Variants in NCF2 observed in about 807,000 individuals in gnomAD.
NCF2 encodes neutrophil cytosolic factor 2.
In NCF2, 45 loss-of-function variants were observed where a neutral mutation model predicts 70.9. The observed-to-expected ratio is 0.63, with a 90% CI of 0.50 to 0.81. NCF2 has a LOEUF of 0.81. Ranked by LOEUF, NCF2 falls within the 40% of genes least tolerant of loss-of-function variation. The probability of loss-of-function intolerance (pLI) is 0.00; values close to 1 mark genes in which losing one functional copy is unlikely to be tolerated. For synonymous variants in NCF2, 203 were observed against 233.6 expected (o/e 0.87, Z 1.19); for missense variants, 522 against 631.6 (o/e 0.83, Z 1.86).
At chr1:183,598,582 T>TAA in the NCF2 span, among the ~76,000 whole-genome samples, 2 of 140,532 alleles carry the variant, frequency 1.4e-5, no homozygotes, top group Non-Finnish European at 3.1e-5. Context: ...TGAGGCTGCA[T>TAA]AAAAAAAAAA....
upstream of NCF2, among the ~76,000 whole-genome samples, chr1:183,591,030 T>G (rs1410029274): frequency 6.6e-6 from 1 of 152,230 alleles, no homozygotes; most frequent in Non-Finnish European, 1.5e-5. Flanking sequence ...TCCCCTATTC[T>G]GAGCCCATAA....
chr1:183,567,446 C>CT (rs769538131), intron 7 of NCF2, 101 bp from the exon 8 acceptor site: 5 of 1,525,514 alleles, frequency 3.3e-6, no homozygotes, highest in Non-Finnish European at 4.5e-6. Flanking sequence ...CAGCCTGGCT[C>CT]TAACTCCACA....
chr1:183,579,558 C>G (rs1385093333), intron 2 of NCF2, among the ~76,000 whole-genome samples: 1 of 151,582 alleles, frequency 6.6e-6, no homozygotes, highest in African/African-American at 2.4e-5. Flanking sequence ...AACCCCATCT[C>G]TACTAAAAAT....
At chr1:183,589,901 G>A (rs1448598616) in intron 1 of NCF2, among the ~76,000 whole-genome samples, 1 of 152,196 alleles carries the variant, frequency 6.6e-6, no homozygotes, top group Non-Finnish European at 1.5e-5. Context: ...GACACTTGTA[G>A]AATGATTTTA....
upstream of NCF2, among the ~76,000 whole-genome samples, chr1:183,591,481 C>CTTTT (rs1336269208): frequency 7.3e-6 from 1 of 137,922 alleles, no homozygotes; most frequent in Non-Finnish European, 1.6e-5. Context: ...CCTGAAATAA[C>CTTTT]TTTTTTTTTT....
chr1:183,569,766 T>A lies in NCF2; in HGVS notation c.670-581A>T, dbSNP rs1200577464. ...ACCACACCCTGCTAATTTTTGTATT[T>A]TTAGTAGGGACAGGGGTTTCACCAT... On this transcript the variant is annotated intron_variant, in intron 6 of 14. Transcript: ENST00000367535. Among the ~76,000 whole-genome samples, 5 of 152,172 alleles carry A rather than the reference T, an allele frequency of 3.3e-5. No homozygotes were observed. The East Asian group carries it at 7.7e-4, about 23-fold the overall frequency.
intron 9 of NCF2, 107 bp from the exon 10 acceptor site, chr1:183,565,886 C>G: frequency 9.3e-7 from 1 of 1,076,080 alleles, no homozygotes; most frequent in Non-Finnish European, 1.4e-6. Context: ...GAGCCACATG[C>G]AGATAACGTC....
intron 14 of NCF2, 129 bp downstream of exon 14, chr1:183,559,967 G>A: frequency 2.0e-6 from 2 of 997,114 alleles, no homozygotes; most frequent in Non-Finnish European, 3.1e-6. Context: ...CCAGCTAGAT[G>A]CTAGGAAGGG....
At chr1:183,597,178 C>T in the NCF2 span, among the ~76,000 whole-genome samples, 1 of 152,208 alleles carries the variant, frequency 6.6e-6, no homozygotes, top group Non-Finnish European at 1.5e-5. Context: ...TTCAGTCCTG[C>T]ATTTTTCGTC....
Position 183,565,739 on chromosome 1 carries a change from C to G in NCF2, c.965G>C (p.Ser322Thr). Reference protein sequence around the residue: ...SPQSDIPAPPSSKAPGRPQLS... With the variant: ...SPQSDIPAPPTSKAPGRPQLS... ...CTGGGGTCTTCCAGGGGCTTTGGAA[C>G]TAGGAGGAGCTGGGATGTCGGACTG... Residue 322 changes from serine to threonine, a missense_variant, in exon 10 of 15, where the codon AGT becomes ACT. Physicochemically the swap from Ser to Thr is moderately conservative, Grantham distance 58 (BLOSUM62 1). Coordinates refer to ENST00000367535, the MANE Select transcript of NCF2 (RefSeq NM_000433.4). The G allele has an allele frequency of 6.2e-7, 1 of 1,612,938 alleles. No homozygotes were observed. The highest frequency in any genetic ancestry group is 8.5e-7 in the Non-Finnish European group (1 of 1,180,022).
chr1:183,561,257 C>A (rs1319515681), intron 13 of NCF2, among the ~76,000 whole-genome samples: 2 of 152,132 alleles, frequency 1.3e-5, no homozygotes, highest in African/African-American at 4.8e-5. Context: ...CTTGTATGTA[C>A]CGAGCATTAT....
At chr1:183,591,892 C>G (rs1673669969), upstream of NCF2, among the ~76,000 whole-genome samples, 4 of 152,272 alleles carry the variant, frequency 2.6e-5, no homozygotes, top group South Asian at 8.3e-4. Flanking sequence ...CTCCCATCTT[C>G]CAGTGAAAAA....
rs886045654 is a variant in NCF2 at position 183,560,288 on chromosome 1, G to C, written c.1291-15C>G. On this transcript the variant is annotated splice_polypyrimidine_tract_variant and intron_variant, in intron 13 of 14. Transcript: ENST00000367535. The stretch of plus-strand genomic sequence containing the variant: ...CCTTGGTCACCCTGAAATAATAAAG[G>C]GCCTGTTAATTTTCCCAATTTCCTG... The C allele has an allele frequency of 6.2e-7, 1 of 1,614,024 alleles. No homozygotes were observed. Among genetic ancestry groups the C allele is most frequent in the Non-Finnish European group, 8.5e-7 (1 of 1,179,962 alleles).
intron 1 of NCF2, among the ~76,000 whole-genome samples, chr1:183,589,578 C>T (rs1673543749): frequency 6.6e-6 from 1 of 152,238 alleles, no homozygotes; most frequent in East Asian, 1.9e-4. Flanking sequence ...AGACATCCCA[C>T]ACCATGCCCC....
intron 2 of NCF2, among the ~76,000 whole-genome samples, chr1:183,583,766 T>C (rs1673218216): frequency 6.6e-6 from 1 of 152,198 alleles, no homozygotes; most frequent in African/African-American, 2.4e-5. Context: ...GCACGGAGGA[T>C]GCATGAGTGG....
rs747548282 is a variant in NCF2, at chr1:183,560,224, G to A, written c.1340C>T (p.Ala447Val). The change falls in exon 14 of 15, where the codon GCT (alanine) becomes GTT (valine). Residue 447 changes from alanine to valine, a missense_variant. By Grantham distance (64) the Ala-to-Val change is moderately conservative. Transcript: ENST00000367535. ...CTGAGGTTCTGTTGTCTGGTTATTA[G>A]CATCAGCTTTTTCACTTTCCTTGGG... ...DEPKESEKAD[A>V]NNQTTEPQLK... The A allele has an allele frequency of 6.2e-7, 1 of 1,614,166 alleles. No individual in the cohort carries two copies. The highest frequency in any genetic ancestry group is 1.7e-5 in the Admixed American group (1 of 60,012).
Position 183,567,356 on chromosome 1 carries a change from T to C in NCF2, c.714-11A>G. ...TCCCCTTCCAGAGCCCTGCAGAGGA[T>C]AGACACAAGATCCAGCCCCCATCCC... is the stretch of plus-strand genomic sequence containing the variant. On this transcript the variant is annotated splice_polypyrimidine_tract_variant and intron_variant, in intron 7 of 14. Transcript: ENST00000367535. 2 of 1,613,802 alleles carry C rather than the reference T, an allele frequency of 1.2e-6. No individual in the cohort carries two copies. Among genetic ancestry groups the C allele is most frequent in the Non-Finnish European group, 1.7e-6 (2 of 1,180,002 alleles).
At chr1:183,583,866 T>G (rs944781644) in intron 2 of NCF2, among the ~76,000 whole-genome samples, 2 of 152,200 alleles carry the variant, frequency 1.3e-5, no homozygotes, top group Non-Finnish European at 2.9e-5. Flanking sequence ...TCACAGAGAT[T>G]GCTTTTTTTA....
At chr1:183,594,527 G>C (rs1035756070), upstream of NCF2, among the ~76,000 whole-genome samples, 15 of 152,058 alleles carry the variant, frequency 9.9e-5, no homozygotes, top group Non-Finnish European at 1.9e-4. Context: ...TTTTCTATTA[G>C]TTATGGTTTA....
Sources: allele counts gnomAD v4.1 joint callset (sites outside exome capture counted in the v4.1 genomes callset), GRCh38; gene constraint gnomAD v4.1.1; transcripts MANE v1.5; gene names NCBI Gene and HGNC (gene_info 2026-07-23, HGNC 2026-07-21).